PARP4: variants seen among roughly 807,000 people sequenced by gnomAD.
PARP4 encodes the protein poly(ADP-ribose) polymerase family member 4, also known as protein mono-ADP-ribosyltransferase PARP4.
Under a neutral mutation model 187.7 loss-of-function variants are expected in PARP4, and 120 were observed. The ratio of observed to expected loss-of-function variants is 0.64; its 90% CI spans 0.55 to 0.74. The LOEUF is 0.74. Ranked by LOEUF, PARP4 falls within the 30% of genes least tolerant of loss-of-function variation. PARP4 has a pLI of 0.00. For missense variants in PARP4, 1,836 were observed against 2,070.5 expected, an observed-to-expected ratio of 0.89 and a Z score of 2.20; for synonymous variants, 654 against 740.9, an observed-to-expected ratio of 0.88 and a Z score of 1.90.
chr13:24,489,348 G>A (rs1868495586), intron 10 of PARP4, among the ~76,000 whole-genome samples: 1 of 152,148 alleles, frequency 6.6e-6, no homozygotes, highest in Admixed American at 6.5e-5. Context: ...GGTGGCTCAT[G>A]CCTGTAATCC....
At chr13:24,489,565 C>T (rs1289322234) in intron 10 of PARP4, among the ~76,000 whole-genome samples, 7 of 152,104 alleles carry the variant, frequency 4.6e-5, no homozygotes, top group Non-Finnish European at 1.0e-4. Flanking sequence ...GCCGAGATCG[C>T]GTCACTGCAC....
intron 10 of PARP4, 129 bp downstream of exon 10, chr13:24,490,539 G>A: frequency 1.3e-6 from 1 of 745,550 alleles, no homozygotes; most frequent in East Asian, 2.5e-5. Context: ...AAAGTAATGT[G>A]TCATCACACC....
intron 18 of PARP4, 188 bp from the exon 19 acceptor site, chr13:24,459,498 C>A: frequency 2.0e-6 from 1 of 506,694 alleles, no homozygotes; most frequent in Non-Finnish European, 3.5e-6. Context: ...ACCATTTTGA[C>A]AGAGATTTTA....
intron 6 of PARP4, among the ~76,000 whole-genome samples, chr13:24,495,500 T>C (rs1198340847): frequency 6.6e-6 from 1 of 152,200 alleles, no homozygotes; most frequent in Non-Finnish European, 1.5e-5. Context: ...GTCATGCACA[T>C]GTTAAAGGCT....
At position 24,494,577 on chromosome 13, in the gene PARP4, T is replaced by C; in HGVS notation, c.737A>G (p.Gln246Arg). ...EATQLASEQL[Q>R]ALLLEEVMNS... is the part of the protein sequence containing the mutation. ...AAAATTATAAATCAATCTCACTGCT[T>C]GCAATTGTTCAGATGCTAATTGGGT... The change falls in exon 7 of 34, where the codon CAA (glutamine) becomes CGA (arginine). Residue 246 changes from glutamine to arginine, a missense_variant. By Grantham distance (43) the Gln-to-Arg change is conservative. Around this residue, in one of 8 missense-constraint regions of PARP4, gnomAD observed 1,147 missense variants for 1,214.2 expected, o/e 0.94. Transcript: ENST00000381989. 1 of 1,603,638 alleles carries C rather than the reference T, an allele frequency of 6.2e-7. No individual in the cohort carries two copies.
At chr13:24,453,493 C>T in intron 23 of PARP4, 94 bp downstream of exon 23, 1 of 704,858 alleles carries the variant, frequency 1.4e-6, no homozygotes, top group East Asian at 2.7e-5. Context: ...AGTAGGGGTG[C>T]TCTGATGGTG....
rs774382310 is a variant in PARP4 at position 24,453,673 on chromosome 13, A to G, written c.2759-19T>C. The G allele has an allele frequency of 2.0e-6, 3 of 1,482,572 alleles. No individual in the cohort carries two copies. Among genetic ancestry groups the G allele is most frequent in the Non-Finnish European group, 2.8e-6 (3 of 1,060,814 alleles). The allele number at this position is 1,482,572 out of a possible 1,614,324, so 91.8% of individuals were successfully genotyped here. ...TTGTAACCTGTGTAATAAGATCAGCATGAGGTGCTGCTTCCACACGTTCAC... is the reference window on the plus strand; with the variant it reads ...TTGTAACCTGTGTAATAAGATCAGCGTGAGGTGCTGCTTCCACACGTTCAC... On this transcript the variant is annotated intron_variant, in intron 22 of 33. Transcript: ENST00000381989.
At chr13:24,499,489 C>T (rs1193139276) in intron 4 of PARP4, 113 bp from the exon 5 acceptor site, 11 of 791,500 alleles carry the variant, frequency 1.4e-5, no homozygotes, top group Admixed American at 3.5e-5. Flanking sequence ...AGATTCCTTA[C>T]AAAACACATG....
chr13:24,485,967 A>T (rs1593639045), intron 11 of PARP4, among the ~76,000 whole-genome samples: 1 of 152,106 alleles, frequency 6.6e-6, no homozygotes, highest in African/African-American at 2.4e-5. Flanking sequence ...TACAGGTGTG[A>T]CCCACCATGC....
chr13:24,459,328 C>A lies in PARP4; in HGVS notation c.2299-18G>T. The A allele has an allele frequency of 6.5e-7, 1 of 1,526,828 alleles. No homozygotes were observed. The highest frequency in any genetic ancestry group is 8.9e-7 in the Non-Finnish European group (1 of 1,122,636). 94.6% of individuals were successfully genotyped at this position (1,526,828 alleles called of 1,614,324 possible). ...ACTGTATCCTGTTAAAAGAAAAATA[C>A]ATTTGTATAACTAAGCATATATTAA... On this transcript the variant is annotated intron_variant, in intron 18 of 33. Coordinates refer to ENST00000381989, the MANE Select transcript of PARP4 (RefSeq NM_006437.4).
chr13:24,486,481 T>C (rs1214086169), intron 10 of PARP4, among the ~76,000 whole-genome samples, 176 bp from the exon 11 acceptor site: 1 of 152,198 alleles, frequency 6.6e-6, no homozygotes, highest in African/African-American at 2.4e-5. Context: ...AACCATATTA[T>C]TTAACAAAAA....
At chr13:24,477,069 C>T (rs1027399452) in intron 14 of PARP4, among the ~76,000 whole-genome samples, 1 of 152,204 alleles carries the variant, frequency 6.6e-6, no homozygotes, top group African/African-American at 2.4e-5. Flanking sequence ...GACATCTTAG[C>T]AAGGTTCCAC....
rs535500218 is a variant in PARP4, at chr13:24,431,440, T to C, written c.4783A>G (p.Ile1595Val). 2 of 1,599,430 alleles carry C rather than the reference T, an allele frequency of 1.3e-6. No homozygotes were observed. The highest frequency in any genetic ancestry group is 8.5e-7 in the Non-Finnish European group (1 of 1,175,086). The change falls in exon 32 of 34, where the codon ATA (isoleucine) becomes GTA (valine). Residue 1595 changes from isoleucine to valine, a missense_variant. Around this residue, in one of 8 missense-constraint regions of PARP4, gnomAD observed 450 missense variants for 439.2 expected, o/e 1.02. Transcript: ENST00000381989. The part of the protein sequence containing the change: ...FWKLTPELGL[I>V]LNLNTNGLHS... ...AAACCATTTGTATTAAGATTTAATA[T>C]AAGTCCCAGTTCTGGTGTAAGTTTC...
intron 10 of PARP4, among the ~76,000 whole-genome samples, chr13:24,487,518 A>G (rs1424175658): frequency 1.3e-5 from 2 of 152,212 alleles, no homozygotes; most frequent in African/African-American, 4.8e-5. Context: ...GGAAGTAGCC[A>G]ACAGATGAAG....
At chr13:24,488,558 T>G (rs1375452543) in intron 10 of PARP4, among the ~76,000 whole-genome samples, 1 of 151,876 alleles carries the variant, frequency 6.6e-6, no homozygotes, top group African/African-American at 2.4e-5. Flanking sequence ...TTCACCATGT[T>G]GCCCAGGCTG....
At chr13:24,438,333 C>T (rs775956015) in intron 30 of PARP4, among the ~76,000 whole-genome samples, 7 of 152,178 alleles carry the variant, frequency 4.6e-5, no homozygotes, top group Admixed American at 1.3e-4. Context: ...CCGCTGCTGA[C>T]GTGACAGGAG....
In PARP4 at chr13:24,478,017, A is replaced by C. The variant is rs1566010567; in HGVS notation, c.1632+76T>G. 6 of 1,209,328 alleles carry C rather than the reference A, an allele frequency of 5.0e-6. 1 individual carries two copies. In the South Asian group the frequency reaches 9.8e-5, roughly 20 times the overall value. The allele number at this position is 1,209,328 out of a possible 1,614,324, so 74.9% of individuals were successfully genotyped here. ...TATTTAAACTTAAGCATATTTAATGAAAATAGGAGCAAAAAACTAAGGCCT... is the reference window on the plus strand; with the variant it reads ...TATTTAAACTTAAGCATATTTAATGCAAATAGGAGCAAAAAACTAAGGCCT... On this transcript the variant is annotated intron_variant, in intron 13 of 33. Transcript: ENST00000381989.
intron 12 of PARP4, among the ~76,000 whole-genome samples, chr13:24,480,870 T>A (rs1232079319): frequency 2.0e-5 from 3 of 152,210 alleles, no homozygotes; most frequent in Admixed American, 2.0e-4. Context: ...CTCCAGAAGA[T>A]CTAGCTAAGA....
intron 5 of PARP4, 135 bp downstream of exon 5, chr13:24,499,166 A>C (rs1049219885): frequency 3.6e-6 from 3 of 828,676 alleles, no homozygotes; most frequent in Middle Eastern, 2.5e-4. Context: ...CTCATATTTT[A>C]AGGACTATAT....
Sources: allele counts gnomAD v4.1 joint callset (sites outside exome capture counted in the v4.1 genomes callset), GRCh38; gene constraint gnomAD v4.1.1; regional missense constraint gnomAD v4.1.1; transcripts MANE v1.5; gene names NCBI Gene and HGNC (gene_info 2026-07-23, HGNC 2026-07-21).